The following ELP4 variants were observed in gnomAD, a reference collection of about 807,000 sequenced individuals.
The protein encoded by ELP4 is elongator acetyltransferase complex subunit 4, also known as elongator complex protein 4.
ELP4 carries 51 observed loss-of-function variants against 48.9 expected under a neutral mutation model. That is an observed-to-expected ratio of 1.04 (90% CI 0.83 to 1.32). The LOEUF (loss-of-function observed/expected upper bound fraction) is 1.32. Among genes scored for constraint, ELP4 ranks in the 40% most tolerant of loss-of-function variants. The pLI, the probability that ELP4 is intolerant of heterozygous loss-of-function variation, is 0.00. For missense variants in ELP4, 519 were observed against 514.6 expected (o/e 1.01, Z -0.08); for synonymous variants, 210 against 189.2 (o/e 1.11, Z -0.90).
intron 3 of ELP4, among the ~76,000 whole-genome samples, chr11:31,545,758 G>A: frequency 6.6e-6 from 1 of 152,104 alleles, no homozygotes. Context: ...CCCACAAAGG[G>A]AAGCCCATCA....
intron 3 of ELP4, among the ~76,000 whole-genome samples, chr11:31,550,937 G>A (rs1345598793): frequency 1.3e-5 from 2 of 152,128 alleles, no homozygotes; most frequent in Admixed American, 1.3e-4. Context: ...ACTTCGACTT[G>A]CTAGCCATTG....
At chr11:31,510,633 TC>T in intron 1 of ELP4, 1 of 360,878 alleles carries the variant, frequency 2.8e-6, no homozygotes, top group Middle Eastern at 7.1e-4. Context: ...TTTTATTTTT[TC>T]TATATACATT....
intron 1 of ELP4, among the ~76,000 whole-genome samples, chr11:31,514,773 A>G (rs752490557): frequency 6.6e-6 from 1 of 152,060 alleles, no homozygotes; most frequent in Non-Finnish European, 1.5e-5. Context: ...ATATGTCAGG[A>G]TACTCTGTTG....
At chr11:31,732,375 T>TTGTAAAA (rs1357308149) in intron 9 of ELP4, among the ~76,000 whole-genome samples, 2 of 151,840 alleles carry the variant, frequency 1.3e-5, no homozygotes, top group African/African-American at 4.8e-5. Flanking sequence ...TTTGTTATAA[T>TTGTAAAA]TGTAAAATGT....
At chr11:31,733,476 C>CAAAA (rs59733716) in intron 9 of ELP4, among the ~76,000 whole-genome samples, 2 of 70,028 alleles carry the variant, frequency 2.9e-5, no homozygotes, top group African/African-American at 8.6e-5. Flanking sequence ...GACTCCATCT[C>CAAAA]AAAAAAAAAA....
chr11:31,744,069 G>A (rs563155243), intron 9 of ELP4, among the ~76,000 whole-genome samples: 10 of 152,142 alleles, frequency 6.6e-5, no homozygotes, highest in African/African-American at 9.6e-5. Flanking sequence ...TATCACCACC[G>A]ATCCCACAGA....
At chr11:31,705,091 T>C (rs1297169803) in intron 9 of ELP4, among the ~76,000 whole-genome samples, 2 of 152,202 alleles carry the variant, frequency 1.3e-5, no homozygotes, top group Non-Finnish European at 2.9e-5. Flanking sequence ...TAGTCCATTT[T>C]TGGTTGCTAT....
At chr11:31,693,668 T>C (rs1459197682) in intron 9 of ELP4, among the ~76,000 whole-genome samples, 1 of 152,182 alleles carries the variant, frequency 6.6e-6, no homozygotes, top group Non-Finnish European at 1.5e-5. Flanking sequence ...ATCCTTCGAG[T>C]ATATACCCAG....
At chr11:31,770,415 A>T (rs1948114395) in intron 9 of ELP4, among the ~76,000 whole-genome samples, 1 of 152,036 alleles carries the variant, frequency 6.6e-6, no homozygotes, top group Non-Finnish European at 1.5e-5. Flanking sequence ...TGCTGGAGAG[A>T]GGGGGCTGGT....
At chr11:31,618,860 A>G (rs552861857) in intron 5 of ELP4, among the ~76,000 whole-genome samples, 7 of 152,214 alleles carry the variant, frequency 4.6e-5, no homozygotes, top group South Asian at 4.1e-4. Context: ...TCAGTGGGTG[A>G]ATTGTATGGT....
At chr11:31,718,263 T>C (rs1354020530) in intron 9 of ELP4, among the ~76,000 whole-genome samples, 1 of 152,200 alleles carries the variant, frequency 6.6e-6, no homozygotes, top group Non-Finnish European at 1.5e-5. Context: ...ATATTAACCA[T>C]CTGAGGTGAT....
intron 9 of ELP4, among the ~76,000 whole-genome samples, chr11:31,754,952 C>G (rs1298193734): frequency 6.6e-6 from 1 of 152,142 alleles, no homozygotes; most frequent in Non-Finnish European, 1.5e-5. Flanking sequence ...GCTCTCTGAG[C>G]TCAGTTTTCC....
At chr11:31,562,084 G>A (rs1350871349) in intron 3 of ELP4, among the ~76,000 whole-genome samples, 14 of 152,094 alleles carry the variant, frequency 9.2e-5, no homozygotes. Flanking sequence ...CTGGGACCTC[G>A]ATAAGAAATT....
rs547964340 is a variant in ELP4, at chr11:31,565,554, G to T, written c.381+25771G>T. ...CCATCTTGAATTAATTTTTGTATAA[G>T]GTGTAAGGAAGGGATCCAGTTTCAG... On this transcript the variant is annotated intron_variant, in intron 3 of 9. Coordinates refer to ENST00000640961, the MANE Select transcript of ELP4 (RefSeq NM_019040.5). Among the ~76,000 whole-genome samples the T allele has an allele frequency of 6.6e-3, 974 of 146,662 alleles. 10 individuals carry two copies. The highest frequency in any genetic ancestry group is 0.025 in the African/African-American group (934 of 37,434).
At chr11:31,604,930 G>T (rs960449143) in intron 5 of ELP4, among the ~76,000 whole-genome samples, 1 of 151,910 alleles carries the variant, frequency 6.6e-6, no homozygotes, top group Admixed American at 6.6e-5. Flanking sequence ...CTTTACATTT[G>T]TTATCTTCTA....
chr11:31,523,065 G>T (rs1012381350), intron 2 of ELP4, among the ~76,000 whole-genome samples: 4 of 151,158 alleles, frequency 2.6e-5, no homozygotes, highest in African/African-American at 7.3e-5. Flanking sequence ...TAGAGATAGG[G>T]CCTTGTTATA....
Position 31,647,740 on chromosome 11 carries a change from G to T in ELP4, c.928-1G>T. 1 of 1,590,368 alleles carries T rather than the reference G, an allele frequency of 6.3e-7. No homozygotes were observed. Among genetic ancestry groups the T allele is most frequent in the South Asian group, 1.1e-5 (1 of 90,490 alleles). On this transcript the variant is annotated splice_acceptor_variant, in intron 7 of 9. Coordinates refer to ENST00000640961, the MANE Select transcript of ELP4 (RefSeq NM_019040.5). LOFTEE classifies it high-confidence loss of function. ...TACTGTTTTGTTTCCATGTTTTGCA[G>T]AATAAAGCCATTATTGCCCGTGTCA...
At chr11:31,635,689 A>G (rs1026419153) in intron 7 of ELP4, among the ~76,000 whole-genome samples, 1 of 152,018 alleles carries the variant, frequency 6.6e-6, no homozygotes, top group African/African-American at 2.4e-5. Flanking sequence ...TAGTAATAAC[A>G]TGTACTTAAA....
chr11:31,642,299 A>G (rs1305665119), intron 7 of ELP4, among the ~76,000 whole-genome samples: 1 of 151,974 alleles, frequency 6.6e-6, no homozygotes, highest in Non-Finnish European at 1.5e-5. Flanking sequence ...AATATAATAT[A>G]AACAATATTT....
Sources: allele counts gnomAD v4.1 joint callset (sites outside exome capture counted in the v4.1 genomes callset), GRCh38; gene constraint gnomAD v4.1.1; transcripts MANE v1.5; gene names NCBI Gene and HGNC (gene_info 2026-07-23, HGNC 2026-07-21).